RASGEF1C: variants seen among roughly 807,000 people sequenced by gnomAD.
The protein encoded by RASGEF1C is RasGEF domain family member 1C.
RASGEF1C carries 27 observed loss-of-function variants against 58.1 expected under a neutral mutation model. That is an observed-to-expected ratio of 0.46 (90% CI 0.34 to 0.64). The LOEUF is 0.64. Among genes scored for constraint, RASGEF1C ranks in the 30% least tolerant of loss-of-function variants. The pLI is 0.01. For missense variants in RASGEF1C, 502 were observed against 605.1 expected (o/e 0.83, Z 1.79); for synonymous variants, 243 against 246.3 (o/e 0.99, Z 0.13).
Position 180,156,142 on chromosome 5 carries a change from C to T in RASGEF1C, c.-6-18084G>A, listed in dbSNP as rs1470329251. On this transcript the variant is annotated intron_variant, in intron 1 of 13. Transcript: ENST00000361132. The surrounding 1 kb of genome is among the most constrained non-coding windows in gnomAD (Gnocchi z 4.9). ...AGACAAGACCATGCTGACTTTTGTG[C>T]TAATTGTTCCCTTACTTTTCTTTGT... Among the ~76,000 whole-genome samples, 1 of 152,204 alleles carries T rather than the reference C, an allele frequency of 6.6e-6. No homozygotes were observed. Among genetic ancestry groups the T allele is most frequent in the Admixed American group, 6.5e-5 (1 of 15,286 alleles).
chr5:180,138,533 T>C (rs113311288), intron 1 of RASGEF1C, among the ~76,000 whole-genome samples: 33 of 152,224 alleles, frequency 2.2e-4, no homozygotes, highest in African/African-American at 7.7e-4. Context: ...GCTGGTGGAA[T>C]GTATGCCCGA....
intron 1 of RASGEF1C, among the ~76,000 whole-genome samples, chr5:180,153,768 CCTTTT>C (rs1766804985): frequency 2.0e-5 from 3 of 152,060 alleles, no homozygotes; most frequent in East Asian, 1.9e-4. Context: ...AAATTTTCTC[CCTTTT>C]CTTGTCATAA....
chr5:180,150,993 G>C (rs553844373), intron 1 of RASGEF1C, among the ~76,000 whole-genome samples: 67 of 150,746 alleles, frequency 4.4e-4, no homozygotes, highest in Admixed American at 8.6e-4. Flanking sequence ...AAAATACCTA[G>C]GAATCCAACT....
intron 1 of RASGEF1C, among the ~76,000 whole-genome samples, chr5:180,150,778 C>T (rs1306724408): frequency 6.6e-6 from 1 of 152,142 alleles, no homozygotes; most frequent in Non-Finnish European, 1.5e-5. Context: ...GTCAAATTGT[C>T]CGTGTTTGCA....
chr5:180,195,457 T>C (rs1250317439), intron 1 of RASGEF1C, among the ~76,000 whole-genome samples: 2 of 152,056 alleles, frequency 1.3e-5, no homozygotes, highest in Non-Finnish European at 2.9e-5. Context: ...ACCTGTAGCG[T>C]GCACGTGTCA....
At chr5:180,199,123 G>A (rs1195237049) in intron 1 of RASGEF1C, among the ~76,000 whole-genome samples, 1 of 152,186 alleles carries the variant, frequency 6.6e-6, no homozygotes, top group Admixed American at 6.5e-5. Context: ...CCCCAGGAGT[G>A]CAGAGGACGG....
intron 1 of RASGEF1C, among the ~76,000 whole-genome samples, chr5:180,195,532 G>A (rs536385063): frequency 1.3e-5 from 2 of 151,960 alleles, no homozygotes; most frequent in Admixed American, 6.6e-5. Context: ...AGGCCGAGGC[G>A]GGTGCATCAC....
intron 1 of RASGEF1C, among the ~76,000 whole-genome samples, chr5:180,182,337 T>C (rs1200712130): frequency 2.0e-5 from 3 of 151,044 alleles, no homozygotes; most frequent in East Asian, 1.9e-4. Context: ...ACTTCAAGAA[T>C]GAAGCCGCGG....
Position 180,137,459 on chromosome 5 carries a change from G to A in RASGEF1C, c.300+131C>T. 1 of 1,302,690 alleles carries A rather than the reference G, an allele frequency of 7.7e-7. No homozygotes were observed. Among genetic ancestry groups the A allele is most frequent in the Non-Finnish European group, 1.1e-6 (1 of 940,814 alleles). 80.7% of individuals were successfully genotyped at this position (1,302,690 alleles called of 1,614,324 possible). A position where few individuals can be genotyped will look rare whatever the true frequency, so the allele number is the denominator to read the frequency against. ...TCTGGCTCTGGGCCTCAGACAAGGTGGAAACACCCGGTAGCCACCTTGTCA... is the reference window on the plus strand; with the variant it reads ...TCTGGCTCTGGGCCTCAGACAAGGTAGAAACACCCGGTAGCCACCTTGTCA... On this transcript the variant is annotated intron_variant, in intron 3 of 13. Transcript: ENST00000361132. The surrounding 1 kb of genome is among the most constrained non-coding windows in gnomAD (Gnocchi z 4.1).
chr5:180,166,217 T>C (rs1180526464), intron 1 of RASGEF1C, among the ~76,000 whole-genome samples: 1 of 152,230 alleles, frequency 6.6e-6, no homozygotes, highest in Non-Finnish European at 1.5e-5. Context: ...CCCTTGTTTA[T>C]ACTGTAGGTC....
Position 180,193,042 on chromosome 5 carries a change from G to A in RASGEF1C, c.-7+15986C>T, listed in dbSNP as rs533824920. ...ATTACAGGCGTGAGCCATCGCGCCC[G>A]GCCAGTTTTTTTTGTTGTTGTTTTG... On this transcript the variant is annotated intron_variant, in intron 1 of 13. Transcript: ENST00000361132. 5.1e-3 allele frequency among the ~76,000 whole-genome samples: 471 copies of A among 92,976 alleles called. 4 individuals carry two copies. The highest frequency in any genetic ancestry group is 9.1e-3 in the South Asian group (18 of 1,968). The allele number at this position is 92,976 out of a possible 152,430, so 61.0% of individuals were successfully genotyped here. A position where few individuals can be genotyped will look rare whatever the true frequency, so the allele number is the denominator to read the frequency against.
At chr5:180,208,776 G>A (rs1424246072) in intron 1 of RASGEF1C, among the ~76,000 whole-genome samples, 2 of 151,746 alleles carry the variant, frequency 1.3e-5, no homozygotes, top group Non-Finnish European at 3.0e-5. Flanking sequence ...GGCTGGCGGC[G>A]CGCGGCAGAG....
At chr5:180,109,389 C>T (rs1372313331) in intron 12 of RASGEF1C, among the ~76,000 whole-genome samples, 2 of 152,038 alleles carry the variant, frequency 1.3e-5, no homozygotes, top group Admixed American at 6.6e-5. Context: ...ACCCGGGAGG[C>T]GGAGCTTGCA....
rs1338775240 is a variant in RASGEF1C, at chr5:180,137,635, G to A, written c.255C>T (p.His85=). Residue 85 remains histidine (H), a synonymous_variant, in exon 3 of 14, where the codon CAC becomes CAT. Transcript: ENST00000361132. This position sits in a 1 kb window ranked among gnomAD's most constrained non-coding sequence, Gnocchi z 4.1. ...EPRELLARVC[H]LCIEQQQLDK... Reference sequence around the variant, plus strand: ...CCAGCTGCTGCTGCTCGATGCACAGGTGGCAGACCCGGGCCAGGAGCTCCC... The same window carrying A: ...CCAGCTGCTGCTGCTCGATGCACAGATGGCAGACCCGGGCCAGGAGCTCCC... The A allele has an allele frequency of 6.2e-7, 1 of 1,612,500 alleles. No homozygotes were observed. The highest frequency in any genetic ancestry group is 8.5e-7 in the Non-Finnish European group (1 of 1,179,920).
chr5:180,118,384 G>A (rs1380271874), intron 10 of RASGEF1C, among the ~76,000 whole-genome samples: 1 of 152,190 alleles, frequency 6.6e-6, no homozygotes, highest in Admixed American at 6.5e-5. Context: ...AGGCAGCCCG[G>A]CTTCAGGCCC....
intron 4 of RASGEF1C, among the ~76,000 whole-genome samples, chr5:180,130,289 G>T (rs1171550846): frequency 1.3e-5 from 2 of 152,152 alleles, no homozygotes; most frequent in East Asian, 3.9e-4. Flanking sequence ...CGGGGTAGGG[G>T]GCAGGGGGCC....
At chr5:180,140,543 C>T (rs910626478) in intron 1 of RASGEF1C, among the ~76,000 whole-genome samples, 24 of 152,166 alleles carry the variant, frequency 1.6e-4, no homozygotes, top group Non-Finnish European at 2.4e-4. Context: ...GATGTCCTGG[C>T]CCCTAAGAGA....
chr5:180,132,962 C>G (rs1766395416), intron 4 of RASGEF1C, among the ~76,000 whole-genome samples: 1 of 131,536 alleles, frequency 7.6e-6, no homozygotes, highest in African/African-American at 3.0e-5. Flanking sequence ...AGAGAGACTC[C>G]GTCTCAGAAA....
At chr5:180,136,779 G>T (rs917857433) in intron 3 of RASGEF1C, 2 of 487,786 alleles carry the variant, frequency 4.1e-6, no homozygotes, top group Middle Eastern at 5.4e-4. Flanking sequence ...TTCGCGCTGC[G>T]GGGAGTGGGG....
Sources: gnomAD v4.1 joint callset for allele counts (sites outside exome capture counted in the v4.1 genomes callset) on GRCh38, gnomAD v4.1.1 for gene constraint, Gnocchi (gnomAD v3.1) non-coding constraint, MANE v1.5 for transcripts, NCBI Gene and HGNC (gene_info 2026-07-23, HGNC 2026-07-21) for gene names.